LIN28B: variants seen among roughly 807,000 people sequenced by gnomAD.
LIN28B encodes lin-28 RNA binding posttranscriptional regulator B, also known as protein lin-28 homolog B.
In LIN28B, 5 loss-of-function variants were observed where a neutral mutation model predicts 21.9. The ratio of observed to expected loss-of-function variants is 0.23; its 90% confidence interval spans 0.12 to 0.48. The LOEUF (loss-of-function observed/expected upper bound fraction) is 0.48. Among genes scored for constraint, LIN28B ranks in the 20% least tolerant of loss-of-function variants. LIN28B has a pLI of 0.98. For synonymous variants in LIN28B, 109 were observed against 111.3 expected, an observed-to-expected ratio of 0.98 and a Z score of 0.13; for missense variants, 245 against 310.5, an observed-to-expected ratio of 0.79 and a Z score of 1.58.
At chr6:105,045,975 A>G (rs1300899761) in intron 3 of LIN28B, among the ~76,000 whole-genome samples, 1 of 152,128 alleles carries the variant, frequency 6.6e-6, no homozygotes, top group Admixed American at 6.6e-5. Flanking sequence ...ATATTTTTAT[A>G]GTTAGTAATT....
rs200400834 is a variant in LIN28B, at chr6:105,077,347, TAAAC to T, written c.384-1063_384-1060del. 1.4e-4 allele frequency among the ~76,000 whole-genome samples: 21 copies of T among 152,332 alleles called. 1 individual carries two copies. In the East Asian group the frequency reaches 3.1e-3, roughly 22 times the overall value. ...AATATTTCATTTGGAGACAAGTCAT[TAAAC>T]AAATTCTGTATTTAAAATCAGATTT... On this transcript the variant is annotated intron_variant, in intron 3 of 3. Coordinates refer to ENST00000345080, the MANE Select transcript of LIN28B (RefSeq NM_001004317.4).
At chr6:105,067,756 A>G (rs1402325744) in intron 3 of LIN28B, among the ~76,000 whole-genome samples, 2 of 152,200 alleles carry the variant, frequency 1.3e-5, no homozygotes, top group Non-Finnish European at 2.9e-5. Context: ...ATATTGTTCC[A>G]TTGATTTGAC....
At chr6:104,965,919 G>T (rs1401732133) in intron 2 of LIN28B, among the ~76,000 whole-genome samples, 1 of 152,148 alleles carries the variant, frequency 6.6e-6, no homozygotes, top group Non-Finnish European at 1.5e-5. Flanking sequence ...ATCTTTGTAA[G>T]ATAGTATAGA....
chr6:105,020,215 A>G (rs950180663), intron 2 of LIN28B, among the ~76,000 whole-genome samples: 1 of 150,500 alleles, frequency 6.6e-6, no homozygotes, highest in African/African-American at 2.5e-5. Context: ...GGTTCAAGCA[A>G]TTCTTCCACC....
At chr6:105,014,763 T>C (rs1417970018) in intron 2 of LIN28B, among the ~76,000 whole-genome samples, 2 of 152,096 alleles carry the variant, frequency 1.3e-5, no homozygotes, top group African/African-American at 2.4e-5. Context: ...TTTTTAAAAA[T>C]AGATAAATAA....
chr6:104,951,360 A>C (rs1266926202), intron 3 of LIN28B, among the ~76,000 whole-genome samples: 1 of 152,162 alleles, frequency 6.6e-6, no homozygotes, highest in East Asian at 1.9e-4. Flanking sequence ...AAAAAGTTGG[A>C]TGAGGAAACC....
chr6:105,030,761 T>G (rs1771407472), intron 3 of LIN28B, among the ~76,000 whole-genome samples: 1 of 151,748 alleles, frequency 6.6e-6, no homozygotes, highest in African/African-American at 2.4e-5. Flanking sequence ...TGTGCCTGGC[T>G]AATTTTGTAT....
At chr6:104,938,882 T>A (rs889843083) in intron 2 of LIN28B, among the ~76,000 whole-genome samples, 5 of 152,138 alleles carry the variant, frequency 3.3e-5, no homozygotes, top group African/African-American at 1.2e-4. Context: ...GATAACTAGT[T>A]TGAAATCAAA....
chr6:104,999,443 T>G (rs1562087477), intron 2 of LIN28B, among the ~76,000 whole-genome samples: 2 of 152,288 alleles, frequency 1.3e-5, no homozygotes, highest in East Asian at 3.9e-4. Flanking sequence ...CCAGCCTGTT[T>G]TAATGATAAT....
At chr6:105,024,692 A>G (rs1771251272) in intron 2 of LIN28B, among the ~76,000 whole-genome samples, 1 of 152,210 alleles carries the variant, frequency 6.6e-6, no homozygotes. Context: ...GAAGCAGGTT[A>G]ATAACCCTGT....
rs150452636 is a variant in LIN28B, at chr6:105,078,644, C to T, written c.614C>T (p.Pro205Leu). The T allele has an allele frequency of 3.3e-5, 54 of 1,614,106 alleles. No homozygotes were observed. The East Asian group carries it at 4.2e-4, about 13-fold the overall frequency. The stretch of plus-strand genomic sequence containing the variant: ...GGCGGGCATGGCTGTACATCACCAC[C>T]GTTTCCTCAGGAGGCTAGGGCAGAG... Reference protein sequence around the residue: ...VGGGHGCTSPPFPQEARAEIS... With the variant: ...VGGGHGCTSPLFPQEARAEIS... Residue 205 changes from proline to leucine, a missense_variant, in exon 4 of 4, where the codon CCG becomes CTG. Pro to Leu is a moderately conservative substitution (Grantham distance 98, BLOSUM62 -3). Coordinates refer to ENST00000345080, the MANE Select transcript of LIN28B (RefSeq NM_001004317.4).
At chr6:104,979,897 C>T (rs999143201) in intron 2 of LIN28B, among the ~76,000 whole-genome samples, 2 of 152,100 alleles carry the variant, frequency 1.3e-5, no homozygotes, top group African/African-American at 2.4e-5. Flanking sequence ...TTAGTCTGAA[C>T]ATGTAAGCCA....
intron 2 of LIN28B, among the ~76,000 whole-genome samples, chr6:105,024,392 A>G (rs1057175082): frequency 1.3e-5 from 2 of 152,184 alleles, no homozygotes; most frequent in Non-Finnish European, 2.9e-5. Flanking sequence ...TAGCTGAACT[A>G]TGCTCCATTT....
chr6:104,961,528 G>A (rs1209704331), intron 2 of LIN28B, among the ~76,000 whole-genome samples: 7 of 151,982 alleles, frequency 4.6e-5, no homozygotes, highest in Non-Finnish European at 1.0e-4. Context: ...AGCCTCCTGA[G>A]TAGCTGGGAT....
chr6:105,053,449 A>C (rs980662957), intron 3 of LIN28B, among the ~76,000 whole-genome samples: 2 of 148,514 alleles, frequency 1.3e-5, no homozygotes, highest in African/African-American at 5.0e-5. Context: ...CTGGAAAGGA[A>C]TGTTAAATTT....
chr6:105,018,513 A>G (rs933991728), intron 2 of LIN28B, among the ~76,000 whole-genome samples: 3 of 152,148 alleles, frequency 2.0e-5, no homozygotes, highest in Non-Finnish European at 4.4e-5. Context: ...ACTCAAAAAT[A>G]CACCTCACGT....
chr6:105,015,636 G>T (rs1453112975), intron 2 of LIN28B, among the ~76,000 whole-genome samples: 2 of 152,048 alleles, frequency 1.3e-5, no homozygotes, highest in African/African-American at 2.4e-5. Flanking sequence ...GTGTTAATAT[G>T]ATATTTTTAA....
At chr6:105,055,245 AT>A (rs2114392503) in intron 3 of LIN28B, among the ~76,000 whole-genome samples, 1 of 152,200 alleles carries the variant, frequency 6.6e-6, no homozygotes, top group East Asian at 1.9e-4. Flanking sequence ...TGTGTTTTTT[AT>A]TCTGCTTCGT....
rs572848655 is a variant in LIN28B at position 104,951,935 on chromosome 6, G to T, written c.67+1426G>T. 3.3e-5 allele frequency among the ~76,000 whole-genome samples: 5 copies of T among 152,236 alleles called. No homozygotes were observed. The South Asian group carries it at 1.0e-3, about 32-fold the overall frequency. On this transcript the variant is annotated intron_variant, in intron 3 of 5. Transcript: ENST00000635857. Reference sequence around the variant, plus strand: ...CTCCACAGATTTGCTTCTCACACATGCTGATTTGCTTCAGGCATCTTTAAA... The same window carrying T: ...CTCCACAGATTTGCTTCTCACACATTCTGATTTGCTTCAGGCATCTTTAAA...
Sources: gnomAD v4.1 joint callset for allele counts (sites outside exome capture counted in the v4.1 genomes callset) on GRCh38, gnomAD v4.1.1 for gene constraint, MANE v1.5 for transcripts, NCBI Gene and HGNC (gene_info 2026-07-23, HGNC 2026-07-21) for gene names.